The following CDH13 variants were observed in gnomAD, a reference collection of about 807,000 sequenced individuals.
The protein encoded by CDH13 is cadherin 13, also known as cadherin-13.
CDH13 carries 24 observed loss-of-function variants against 63.8 expected under a neutral mutation model. The ratio of observed to expected loss-of-function variants is 0.38; its 90% CI spans 0.27 to 0.53. The LOEUF (loss-of-function observed/expected upper bound fraction) is 0.53, where lower values mean the gene tolerates loss of function less well. Among genes scored for constraint, CDH13 ranks in the 20% least tolerant of loss-of-function variants. The pLI, the probability that CDH13 is intolerant of heterozygous loss-of-function variation, is 0.85. For missense variants in CDH13, 1,049 were observed against 903.1 expected (o/e 1.16, Z -2.07); for synonymous variants, 503 against 355.3 (o/e 1.42, Z -4.67).
At chr16:83,593,427 T>G (rs1906950695) in intron 7 of CDH13, among the ~76,000 whole-genome samples, 1 of 152,166 alleles carries the variant, frequency 6.6e-6, no homozygotes, top group Non-Finnish European at 1.5e-5. Context: ...TAAGTGCTTT[T>G]GGAGTGGAAT....
intron 10 of CDH13, among the ~76,000 whole-genome samples, chr16:83,687,592 G>A (rs186946032): frequency 1.1e-4 from 17 of 152,292 alleles, no homozygotes; most frequent in African/African-American, 4.1e-4. Flanking sequence ...ATGAGATTTG[G>A]GTGAGGCCAC....
intron 6 of CDH13, among the ~76,000 whole-genome samples, chr16:83,350,904 C>A (rs928777442): frequency 6.6e-6 from 1 of 152,184 alleles, no homozygotes; most frequent in Admixed American, 6.5e-5. Flanking sequence ...ACACATCCAG[C>A]CATTCCAGAC....
chr16:83,094,250 G>A (rs1290353322), intron 3 of CDH13, among the ~76,000 whole-genome samples: 3 of 152,168 alleles, frequency 2.0e-5, no homozygotes, highest in Admixed American at 6.5e-5. Flanking sequence ...TGTGACCCCT[G>A]CTTTGCCCTC....
At chr16:83,316,449 A>C (rs1375875519) in intron 5 of CDH13, among the ~76,000 whole-genome samples, 1 of 152,232 alleles carries the variant, frequency 6.6e-6, no homozygotes, top group Non-Finnish European at 1.5e-5. Context: ...TGCAAAAGAC[A>C]GTCAGTGCTA....
intron 7 of CDH13, among the ~76,000 whole-genome samples, chr16:83,490,017 A>ACACG (rs1362412284): frequency 7.4e-6 from 1 of 135,290 alleles, no homozygotes; most frequent in East Asian, 2.0e-4. Flanking sequence ...AACCACACAC[A>ACACG]CACACACACA....
intron 6 of CDH13, among the ~76,000 whole-genome samples, chr16:83,408,535 A>C (rs935579485): frequency 2.6e-5 from 4 of 152,236 alleles, no homozygotes; most frequent in African/African-American, 9.6e-5. Context: ...TAAACATAGA[A>C]AAGATACCAT....
intron 1 of CDH13, among the ~76,000 whole-genome samples, chr16:82,739,168 C>T (rs759538719): frequency 6.6e-6 from 1 of 152,134 alleles, no homozygotes; most frequent in African/African-American, 2.4e-5. Context: ...ATAAAGATAA[C>T]TTGTTAATTG....
At chr16:82,811,128 G>A (rs1164291756) in intron 1 of CDH13, among the ~76,000 whole-genome samples, 1 of 152,158 alleles carries the variant, frequency 6.6e-6, no homozygotes, top group East Asian at 1.9e-4. Flanking sequence ...TTAATAGACA[G>A]GCATAGGTGT....
At chr16:83,507,044 A>G (rs1159838578) in intron 7 of CDH13, among the ~76,000 whole-genome samples, 1 of 152,196 alleles carries the variant, frequency 6.6e-6, no homozygotes, top group Non-Finnish European at 1.5e-5. Context: ...TCAGCATTAG[A>G]TAACTAATAC....
chr16:82,938,176 AC>A (rs1475266102), intron 2 of CDH13, among the ~76,000 whole-genome samples: 1 of 152,216 alleles, frequency 6.6e-6, no homozygotes, highest in Non-Finnish European at 1.5e-5. Flanking sequence ...GCATTGAGTT[AC>A]ACAGGCAATA....
intron 8 of CDH13, among the ~76,000 whole-genome samples, chr16:83,616,012 G>A (rs1909251494): frequency 6.6e-6 from 1 of 152,152 alleles, no homozygotes; most frequent in Admixed American, 6.5e-5. Context: ...GAAACAGCAG[G>A]TATGCCGCTG....
intron 2 of CDH13, among the ~76,000 whole-genome samples, chr16:82,984,773 T>A (rs1325092055): frequency 6.6e-6 from 1 of 152,182 alleles, no homozygotes; most frequent in African/African-American, 2.4e-5. Flanking sequence ...AATCTACTTT[T>A]CAGGATAGTA....
chr16:83,725,048 GAA>G (rs1329757891), intron 10 of CDH13, among the ~76,000 whole-genome samples: 1 of 152,176 alleles, frequency 6.6e-6, no homozygotes, highest in Non-Finnish European at 1.5e-5. Context: ...TCTAGAGAAA[GAA>G]AGAGATGAAT....
At chr16:82,703,883 C>G (rs1426503998) in intron 1 of CDH13, among the ~76,000 whole-genome samples, 2 of 152,178 alleles carry the variant, frequency 1.3e-5, no homozygotes, top group African/African-American at 4.8e-5. Flanking sequence ...AGAATGTAAT[C>G]CTACCCAGCT....
intron 6 of CDH13, among the ~76,000 whole-genome samples, chr16:83,478,847 A>G (rs1273002344): frequency 2.7e-5 from 4 of 150,130 alleles, no homozygotes; most frequent in East Asian, 1.9e-4. Context: ...AAAAAAAAAA[A>G]AAAAAAGAAA....
At chr16:82,867,142 A>C (rs1218196363) in intron 2 of CDH13, among the ~76,000 whole-genome samples, 1 of 152,184 alleles carries the variant, frequency 6.6e-6, no homozygotes, top group Non-Finnish European at 1.5e-5. Context: ...CCCATTTTAC[A>C]GGTGAGGACA....
chr16:83,031,643 C>T (rs1299296672), intron 2 of CDH13, among the ~76,000 whole-genome samples: 2 of 152,006 alleles, frequency 1.3e-5, no homozygotes, highest in Non-Finnish European at 2.9e-5. Context: ...CAGCTCTCCT[C>T]AATGGTCCTG....
In CDH13 at chr16:83,678,309, C is replaced by T. The variant is rs772950444; in HGVS notation, c.1386C>T (p.Ala462=). 4 of 1,613,888 alleles carry T rather than the reference C, an allele frequency of 2.5e-6. No homozygotes were observed. The African/African-American group carries it at 5.3e-5, about 22-fold the overall frequency. Residue 462 remains alanine (A), a synonymous_variant, in exon 10 of 14, where the codon GCC becomes GCT. Coordinates refer to ENST00000567109, the MANE Select transcript of CDH13 (RefSeq NM_001257.5). ...TCTCCTACGGCCCCAGCTCCACAGC[C>T]ACCGTCCACATCACTGTCCTGGATG... ...PDVSYGPSST[A]TVHITVLDVN...
At chr16:83,242,015 C>T (rs4782762) in intron 5 of CDH13, among the ~76,000 whole-genome samples, 150,677 of 152,302 alleles carry the variant, frequency 0.99, 74,557 homozygotes, top group Middle Eastern at 1. Context: ...TTTTTGTATA[C>T]GGCATGAGGT....
Sources: gnomAD v4.1 joint callset for allele counts (sites outside exome capture counted in the v4.1 genomes callset) on GRCh38, gnomAD v4.1.1 for gene constraint, MANE v1.5 for transcripts, NCBI Gene and HGNC (gene_info 2026-07-23, HGNC 2026-07-21) for gene names.